Variants in UBR3 observed in about 807,000 individuals in gnomAD.
UBR3 encodes ubiquitin protein ligase E3 component n-recognin 3, also known as E3 ubiquitin-protein ligase UBR3.
UBR3 carries 85 observed loss-of-function variants against 243.2 expected under a neutral mutation model. The ratio of observed to expected loss-of-function variants is 0.35; its 90% CI spans 0.29 to 0.42. UBR3 has a LOEUF of 0.42. UBR3 is among the 10% of genes least tolerant of loss of function. UBR3 has a pLI of 1.00. For synonymous variants in UBR3, 748 were observed against 799.8 expected (o/e 0.94, Z 1.09); for missense variants, 1,686 against 2,300.8 (o/e 0.73, Z 5.47).
At chr2:170,065,512 C>A (rs112710833) in intron 35 of UBR3, among the ~76,000 whole-genome samples, 1 of 152,040 alleles carries the variant, frequency 6.6e-6, no homozygotes, top group African/African-American at 2.4e-5. Flanking sequence ...GGGCTGGTCT[C>A]GAATTCCTGG....
chr2:170,020,572 T>C (rs2090362381), intron 30 of UBR3, among the ~76,000 whole-genome samples: 1 of 152,200 alleles, frequency 6.6e-6, no homozygotes, highest in South Asian at 2.1e-4. Context: ...TTCATGGTTG[T>C]TAACTGTTAC....
intron 19 of UBR3, among the ~76,000 whole-genome samples, chr2:169,935,667 G>C (rs56653705): frequency 0.057 from 8,709 of 152,248 alleles, 464 homozygotes; most frequent in African/African-American, 0.14. Context: ...AAAGTATGAT[G>C]TATGAGTTTA....
chr2:170,052,485 G>A lies in UBR3; in HGVS notation c.4661-2975G>A, dbSNP rs139184922. Among the ~76,000 whole-genome samples, 1,186 of 152,228 alleles carry A rather than the reference G, an allele frequency of 7.8e-3. 13 individuals are homozygous for A. Among genetic ancestry groups the A allele is most frequent in the African/African-American group, 0.026 (1,072 of 41,530 alleles). ...GTCAATGGATGAATAAAGATAATGT[G>A]GCATATAAGTACACTGGGACGTTAT... On this transcript the variant is annotated intron_variant, in intron 32 of 38. Transcript: ENST00000272793.
intron 23 of UBR3, among the ~76,000 whole-genome samples, chr2:169,954,638 C>T (rs184727753): frequency 5.2e-4 from 77 of 149,284 alleles, no homozygotes; most frequent in African/African-American, 1.7e-3. Context: ...AGCAGTGGCG[C>T]GATCTCAGCT....
chr2:169,948,958 CCAAAAACAAAT>C lies in UBR3; in HGVS notation c.3085-633_3085-623del, dbSNP rs1239487091. ...CAAATCATAGTCCTTGACCCACAAACCAAAAACAAATCAAAAACAAATCACAAATCACAGTT... is the reference window on the plus strand; with the variant it reads ...CAAATCATAGTCCTTGACCCACAAACCAAAAACAAATCACAAATCACAGTT... On this transcript the variant is annotated intron_variant, in intron 22 of 38. Coordinates refer to ENST00000272793, the MANE Select transcript of UBR3 (RefSeq NM_172070.4). Among the ~76,000 whole-genome samples, 7 of 151,268 alleles carry C rather than the reference CCAAAAACAAAT, an allele frequency of 4.6e-5. No homozygotes were observed. In the South Asian group the frequency reaches 6.3e-4, roughly 14 times the overall value.
intron 8 of UBR3, among the ~76,000 whole-genome samples, chr2:169,902,332 A>C (rs1224641230): frequency 6.6e-6 from 1 of 152,066 alleles, no homozygotes; most frequent in Non-Finnish European, 1.5e-5. Context: ...CACTTTTTAC[A>C]TTACACTTCT....
chr2:169,933,642 G>T (rs866559675), intron 19 of UBR3, among the ~76,000 whole-genome samples: 1 of 151,958 alleles, frequency 6.6e-6, no homozygotes, highest in Non-Finnish European at 1.5e-5. Flanking sequence ...TCTTTTACTT[G>T]TGCTTTCCTA....
At chr2:170,080,982 G>A (rs2091895234) in intron 38 of UBR3, among the ~76,000 whole-genome samples, 1 of 151,846 alleles carries the variant, frequency 6.6e-6, no homozygotes, top group Non-Finnish European at 1.5e-5. Context: ...TTGAGCCCAG[G>A]AGTTTGAGAC....
At chr2:169,958,402 A>G (rs768649314) in intron 23 of UBR3, 36 bp from the exon 24 acceptor site, 14 of 1,595,572 alleles carry the variant, frequency 8.8e-6, no homozygotes, top group Admixed American at 1.7e-5. Context: ...TCTTAAGCGC[A>G]TCTGATACTT....
chr2:169,912,268 A>G (rs2085283126), intron 10 of UBR3, among the ~76,000 whole-genome samples: 1 of 152,190 alleles, frequency 6.6e-6, no homozygotes, highest in Non-Finnish European at 1.5e-5. Flanking sequence ...TATACTATTC[A>G]GTGGTTTATA....
In UBR3 at chr2:170,082,391, G is replaced by T. The variant is rs1217614931; in HGVS notation, c.*548G>T. The T allele has an allele frequency of 6.6e-6, 1 of 152,486 alleles. No individual in the cohort carries two copies. The highest frequency in any genetic ancestry group is 2.4e-5 in the African/African-American group (1 of 41,380). The allele number at this position is 152,486 out of a possible 1,614,324, so 9.4% of individuals were successfully genotyped here. A position where few individuals can be genotyped will look rare whatever the true frequency, so the allele number is the denominator to read the frequency against. ...TAGAACTTTAAAATTTTTTCTTATT[G>T]TGAGGAATCTGTTAAAAGTTTAAAG... is the stretch of plus-strand genomic sequence containing the variant. On this transcript the variant is annotated 3_prime_UTR_variant, in exon 39 of 39. Transcript: ENST00000272793.
chr2:170,080,272 TG>T, intron 37 of UBR3: 1 of 562,718 alleles, frequency 1.8e-6, no homozygotes, highest in Non-Finnish European at 3.0e-6. Context: ...GTATGTACTT[TG>T]GAATGTGCTG....
In UBR3 at chr2:169,877,461, A is replaced by G. The variant is rs1244923915; in HGVS notation, c.845-33A>G. 8 of 1,509,318 alleles carry G rather than the reference A, an allele frequency of 5.3e-6. No homozygotes were observed. The Admixed American group carries it at 7.8e-5, about 15-fold the overall frequency. The allele number at this position is 1,509,318 out of a possible 1,614,324, so 93.5% of individuals were successfully genotyped here. A position where few individuals can be genotyped will look rare whatever the true frequency, so the allele number is the denominator to read the frequency against. On this transcript the variant is annotated intron_variant, in intron 3 of 38. Coordinates refer to ENST00000272793, the MANE Select transcript of UBR3 (RefSeq NM_172070.4). ...ACCATACTGAGATTTTGAATGGAATATTTTTTTCTGATTTGAAGTTTGTTT... is the reference window on the plus strand; with the variant it reads ...ACCATACTGAGATTTTGAATGGAATGTTTTTTTCTGATTTGAAGTTTGTTT...
intron 1 of UBR3, among the ~76,000 whole-genome samples, chr2:169,856,109 C>T (rs1204157701): frequency 6.6e-6 from 1 of 151,782 alleles, no homozygotes; most frequent in Admixed American, 6.6e-5. Flanking sequence ...CTCCTCACTT[C>T]TCAGACGGGG....
In UBR3 at chr2:169,906,051, G is replaced by C. The variant is rs2084998841; in HGVS notation, c.1666G>C (p.Glu556Gln). 1.3e-6 allele frequency: 2 copies of C among 1,551,718 alleles called. No individual in the cohort carries two copies. Among genetic ancestry groups the C allele is most frequent in the Non-Finnish European group, 1.7e-6 (2 of 1,146,980 alleles). ...GCCAGGTATGAACTTAAACAAGCGA[G>C]AACTAAACGAGCATGTGGAATTTGA... ...FFQGMNLNKR[E>Q]LNEHVEFESQ... is the part of the protein sequence containing the mutation. The change falls in exon 10 of 39, where the codon GAA becomes CAA. Residue 556 changes from glutamate to glutamine, a missense_variant. Around this residue, in one of 8 missense-constraint regions of UBR3, gnomAD observed 346 missense variants for 585.8 expected, o/e 0.59. Transcript: ENST00000272793.
At chr2:170,064,680 T>C (rs2091518398) in intron 35 of UBR3, among the ~76,000 whole-genome samples, 1 of 151,976 alleles carries the variant, frequency 6.6e-6, no homozygotes, top group Non-Finnish European at 1.5e-5. Context: ...GATTATTATA[T>C]ACTATTAAGC....
intron 24 of UBR3, among the ~76,000 whole-genome samples, chr2:169,976,880 G>C (rs1372593447): frequency 6.6e-6 from 1 of 151,982 alleles, no homozygotes; most frequent in Non-Finnish European, 1.5e-5. Context: ...ACTTAATGGT[G>C]TTCCATAAAT....
chr2:170,004,291 T>C (rs1312840088), intron 27 of UBR3, among the ~76,000 whole-genome samples: 1 of 152,078 alleles, frequency 6.6e-6, no homozygotes, highest in Non-Finnish European at 1.5e-5. Context: ...GGAATCAACG[T>C]GATAGGTGAT....
In UBR3 at chr2:169,958,448, G is replaced by A; in HGVS notation, c.3556G>A (p.Ala1186Thr). 2.5e-6 allele frequency: 4 copies of A among 1,613,028 alleles called. No homozygotes were observed. Among genetic ancestry groups the A allele is most frequent in the Non-Finnish European group, 3.4e-6 (4 of 1,179,306 alleles). ...TTCTGTTTAATCTAGGCGACAGAAG[G>A]CTAGAGAGAGGCAGCAGAAATTGCT... ...TLDKEERRQK[A>T]RERQQKLLAE... Residue 1186 changes from alanine to threonine, a missense_variant, in exon 24 of 39, where the codon GCT becomes ACT. Physicochemically the swap from Ala to Thr is moderately conservative, Grantham distance 58. Transcript: ENST00000272793.
Sources: gnomAD v4.1 joint callset for allele counts (sites outside exome capture counted in the v4.1 genomes callset) on GRCh38, gnomAD v4.1.1 for gene constraint, gnomAD v4.1.1 regional missense constraint, MANE v1.5 for transcripts, NCBI Gene and HGNC (gene_info 2026-07-23, HGNC 2026-07-21) for gene names.